PLA2G12B: variants seen among roughly 807,000 people sequenced by gnomAD.
PLA2G12B encodes the protein group XIIB secretory phospholipase A2-like protein.
A neutral mutation model predicts 22.3 loss-of-function variants in PLA2G12B; 19 were observed. The ratio of observed to expected loss-of-function variants is 0.85; its 90% confidence interval spans 0.60 to 1.25. The LOEUF (loss-of-function observed/expected upper bound fraction) is 1.25. Among genes scored for constraint, PLA2G12B ranks in the 50% most tolerant of loss-of-function variants. PLA2G12B has a pLI of 0.00. For synonymous variants in PLA2G12B, 81 were observed against 94.9 expected, an observed-to-expected ratio of 0.85 and a Z score of 0.85; for missense variants, 191 against 246.6, an observed-to-expected ratio of 0.77 and a Z score of 1.51.
intron 1 of PLA2G12B, among the ~76,000 whole-genome samples, chr10:72,945,642 G>A (rs1340311756): frequency 1.4e-5 from 2 of 145,764 alleles, no homozygotes; most frequent in African/African-American, 5.6e-5. Context: ...TGTTGCAGTT[G>A]CCATTATGAT....
chr10:72,949,487 C>G (rs1049476725), intron 1 of PLA2G12B, among the ~76,000 whole-genome samples: 8 of 152,060 alleles, frequency 5.3e-5, no homozygotes, highest in African/African-American at 1.7e-4. Flanking sequence ...TTTGTAAGAA[C>G]CTTTTTGTAG....
intron 1 of PLA2G12B, among the ~76,000 whole-genome samples, chr10:72,945,342 C>G (rs71479463): frequency 8.5e-5 from 13 of 152,144 alleles, no homozygotes; most frequent in Non-Finnish European, 1.8e-4. Flanking sequence ...ACCGTTCACT[C>G]TAGGGGAAGT....
At chr10:72,938,029 G>A (rs143525950) in intron 3 of PLA2G12B, among the ~76,000 whole-genome samples, 3,621 of 151,086 alleles carry the variant, frequency 0.024, 95 homozygotes, top group African/African-American at 0.06. Context: ...CAGGAGAATC[G>A]CTTGAACCCG....
rs1267176380 is a variant in PLA2G12B, at chr10:72,954,639, C to A, written c.47G>T (p.Gly16Val). The A allele has an allele frequency of 6.2e-7, 1 of 1,614,114 alleles. No homozygotes were observed. The highest frequency in any genetic ancestry group is 8.5e-7 in the Non-Finnish European group (1 of 1,180,032). The part of the protein sequence containing the change: ...GFLVLWLSLG[G>V]GLAQSDTSPD... ...GCTCGTGTCGCTCTGAGCCAGGCCA[C>A]CCCCAAGGCTGAGCCACAAAACCAA... The change falls in exon 1 of 4, where the codon GGT (glycine) becomes GTT (valine). Residue 16 changes from glycine to valine, a missense_variant. Physicochemically the swap from Gly to Val is moderately radical, Grantham distance 109. Transcript: ENST00000373032.
chr10:72,938,791 C>T (rs1288551651), intron 3 of PLA2G12B, among the ~76,000 whole-genome samples: 4 of 152,136 alleles, frequency 2.6e-5, no homozygotes, highest in Non-Finnish European at 4.4e-5. Context: ...ATTCTAGCTG[C>T]CATTCCTTGG....
At chr10:72,939,154 T>C (rs1166664868) in intron 3 of PLA2G12B, among the ~76,000 whole-genome samples, 1 of 152,190 alleles carries the variant, frequency 6.6e-6, no homozygotes, top group Non-Finnish European at 1.5e-5. Context: ...TGTTCTAAAA[T>C]TGACTGTGGG....
At chr10:72,942,297 C>G (rs1458721317) in intron 2 of PLA2G12B, among the ~76,000 whole-genome samples, 1 of 152,006 alleles carries the variant, frequency 6.6e-6, no homozygotes, top group Admixed American at 6.6e-5. Context: ...CTCTCACTGG[C>G]CAGCACCAGC....
rs897546680 is a variant in PLA2G12B, at chr10:72,935,381, T to C, written c.*236A>G. 20 of 446,734 alleles carry C rather than the reference T, an allele frequency of 4.5e-5. No individual in the cohort carries two copies. Among genetic ancestry groups the C allele is most frequent in the Middle Eastern group, 6.0e-4 (1 of 1,668 alleles). 27.7% of individuals were successfully genotyped at this position (446,734 alleles called of 1,614,324 possible). Reference sequence around the variant, plus strand: ...ACTGAATTTCCAGGCAAATGTGTCTTGGTTGGGGAGAGCAGTCTTAAATGA... The same window carrying C: ...ACTGAATTTCCAGGCAAATGTGTCTCGGTTGGGGAGAGCAGTCTTAAATGA... On this transcript the variant is annotated 3_prime_UTR_variant, in exon 4 of 4. Transcript: ENST00000373032.
intron 1 of PLA2G12B, among the ~76,000 whole-genome samples, chr10:72,943,362 C>G (rs1442158441): frequency 6.6e-6 from 1 of 152,094 alleles, no homozygotes; most frequent in Non-Finnish European, 1.5e-5. Flanking sequence ...GTTCCTCATT[C>G]CTTCACTGCA....
intron 1 of PLA2G12B, among the ~76,000 whole-genome samples, chr10:72,943,061 G>A (rs1291731331): frequency 6.6e-6 from 1 of 151,748 alleles, no homozygotes; most frequent in African/African-American, 2.4e-5. Flanking sequence ...CACCTCCTGG[G>A]TTCAAGCAAT....
chr10:72,949,970 C>T (rs1471117185), intron 1 of PLA2G12B, among the ~76,000 whole-genome samples: 1 of 150,784 alleles, frequency 6.6e-6, no homozygotes. Flanking sequence ...GAGGGAGACT[C>T]CGTCTCAAGA....
rs1414613799 is a variant in PLA2G12B, at chr10:72,935,211, G to C, written c.*406C>G. 2 of 162,050 alleles carry C rather than the reference G, an allele frequency of 1.2e-5. No homozygotes were observed. Among genetic ancestry groups the C allele is most frequent in the African/African-American group, 4.8e-5 (2 of 41,718 alleles). The allele number at this position is 162,050 out of a possible 1,614,324, so 10.0% of individuals were successfully genotyped here. A position where few individuals can be genotyped will look rare whatever the true frequency, so the allele number is the denominator to read the frequency against. On this transcript the variant is annotated 3_prime_UTR_variant, in exon 4 of 4. Coordinates refer to ENST00000373032, the MANE Select transcript of PLA2G12B (RefSeq NM_032562.5). Reference sequence around the variant, plus strand: ...CTAAAAAGTACACTTTATTAAATGTGAGAAGCTTACTGGCAACTGAAACAT... The same window carrying C: ...CTAAAAAGTACACTTTATTAAATGTCAGAAGCTTACTGGCAACTGAAACAT...
At chr10:72,944,017 TTCC>T (rs2132971505) in intron 1 of PLA2G12B, among the ~76,000 whole-genome samples, 1 of 152,056 alleles carries the variant, frequency 6.6e-6, no homozygotes, top group East Asian at 1.9e-4. Context: ...TCTTCCTTCC[TTCC>T]TTTCTTCCTT....
At chr10:72,952,806 CCCAT>C (rs1279547979) in intron 1 of PLA2G12B, among the ~76,000 whole-genome samples, 1 of 152,174 alleles carries the variant, frequency 6.6e-6, no homozygotes, top group African/African-American at 2.4e-5. Flanking sequence ...ATTTACTCTT[CCCAT>C]CCCCCACCAG....
At position 72,935,616 on chromosome 10, in the gene PLA2G12B, C is replaced by G. The variant is rs185360958; in HGVS notation, c.*1G>C. 1.2e-6 allele frequency: 2 copies of G among 1,613,952 alleles called. No individual in the cohort carries two copies. The highest frequency in any genetic ancestry group is 2.7e-5 in the African/African-American group (2 of 75,054). ...AAAACCAGGAAGGAATCACTTCTTC[C>G]TCATAACTCTTCCTTCTCCTCCTCT... On this transcript the variant is annotated 3_prime_UTR_variant, in exon 4 of 4. Transcript: ENST00000373032.
In PLA2G12B at chr10:72,944,545, G is replaced by T. The variant is rs1282775629; in HGVS notation, c.212-1805C>A. ...GATTTGGAGACAACTGCCTTTCTTA[G>T]GATACTCAGTCTTCCCAAATATGGA... is the stretch of plus-strand genomic sequence containing the variant. On this transcript the variant is annotated intron_variant, in intron 1 of 3. Transcript: ENST00000373032. Among the ~76,000 whole-genome samples the T allele has an allele frequency of 2.0e-5, 3 of 152,074 alleles. No homozygotes were observed. The East Asian group carries it at 5.8e-4, about 29-fold the overall frequency.
intron 3 of PLA2G12B, 93 bp downstream of exon 3, chr10:72,941,076 T>C: frequency 1.5e-6 from 2 of 1,335,224 alleles, no homozygotes; most frequent in South Asian, 2.8e-5. Context: ...TGAGCTCTGA[T>C]GATCTCTTCG....
intron 3 of PLA2G12B, among the ~76,000 whole-genome samples, chr10:72,937,337 G>A (rs968628815): frequency 1.3e-5 from 2 of 152,148 alleles, no homozygotes; most frequent in African/African-American, 4.8e-5. Context: ...GACTCAAGAA[G>A]AATAGAAAAT....
rs1287821919 is a variant in PLA2G12B at position 72,954,501 on chromosome 10, C to G, written c.185G>C (p.Gly62Ala). 1 of 1,614,236 alleles carries G rather than the reference C, an allele frequency of 6.2e-7. No individual in the cohort carries two copies. The highest frequency in any genetic ancestry group is 1.7e-5 in the Admixed American group (1 of 60,026). ...ATATCGGCACCTGTACTGACAGACT[C>G]CATTCTTCCCTCCCAGCAGCTCCAG... ...SFLELLGGKN[G>A]VCQYRCRYGK... Residue 62 changes from glycine to alanine, a missense_variant, in exon 1 of 4, where the codon GGA becomes GCA. Transcript: ENST00000373032.
Sources: gnomAD v4.1 joint callset for allele counts (sites outside exome capture counted in the v4.1 genomes callset) on GRCh38, gnomAD v4.1.1 for gene constraint, MANE v1.5 for transcripts, NCBI Gene and HGNC (gene_info 2026-07-23, HGNC 2026-07-21) for gene names.